The following DCLK1 variants were observed in gnomAD, a reference collection of about 807,000 sequenced individuals.
DCLK1 encodes doublecortin like kinase 1, also known as serine/threonine-protein kinase DCLK1.
DCLK1 carries 16 observed loss-of-function variants against 86.2 expected under a neutral mutation model. The ratio of observed to expected loss-of-function variants is 0.19; its 90% CI spans 0.13 to 0.28. The LOEUF (loss-of-function observed/expected upper bound fraction) is 0.28. Ranked by LOEUF, DCLK1 falls within the 10% of genes least tolerant of loss-of-function variation. The probability of loss-of-function intolerance (pLI) is 1.00; values close to 1 mark genes in which losing one functional copy is unlikely to be tolerated. For missense variants in DCLK1, 590 were observed against 940.2 expected, an observed-to-expected ratio of 0.63 and a Z score of 4.87; for synonymous variants, 369 against 370.5, an observed-to-expected ratio of 1.00 and a Z score of 0.05.
At chr13:35,804,296 AT>A (rs71081286) in intron 15 of DCLK1, among the ~76,000 whole-genome samples, 2,184 of 139,546 alleles carry the variant, frequency 0.016, 70 homozygotes, top group East Asian at 0.13. Context: ...ATGCCTAGCT[AT>A]TTTTTTTTTT....
chr13:35,838,520 C>T (rs1376328907), intron 7 of DCLK1, among the ~76,000 whole-genome samples: 2 of 152,062 alleles, frequency 1.3e-5, no homozygotes, highest in Non-Finnish European at 2.9e-5. Context: ...AATGCTTGTC[C>T]AAAACAATCC....
chr13:35,995,621 G>A (rs1880434167), intron 3 of DCLK1, among the ~76,000 whole-genome samples: 1 of 152,146 alleles, frequency 6.6e-6, no homozygotes, highest in Non-Finnish European at 1.5e-5. Flanking sequence ...CATTCTGAAT[G>A]GAAATTTCAC....
chr13:36,074,753 C>T (rs189207807), intron 3 of DCLK1, among the ~76,000 whole-genome samples: 2 of 152,262 alleles, frequency 1.3e-5, no homozygotes, highest in African/African-American at 4.8e-5. Flanking sequence ...ATGGAGGCCC[C>T]CCATAAGCGG....
intron 3 of DCLK1, among the ~76,000 whole-genome samples, chr13:36,096,850 T>C (rs1885037753): frequency 6.6e-6 from 1 of 152,130 alleles, no homozygotes; most frequent in African/African-American, 2.4e-5. Flanking sequence ...TAGAAGACAG[T>C]AATTATTCCA....
At chr13:36,114,762 T>TA (rs1885723875) in intron 2 of DCLK1, among the ~76,000 whole-genome samples, 1 of 152,210 alleles carries the variant, frequency 6.6e-6, no homozygotes, top group Non-Finnish European at 1.5e-5. Flanking sequence ...TCTGATTTTG[T>TA]AAAAAATAGC....
At chr13:35,940,471 G>C (rs1250223896) in intron 4 of DCLK1, among the ~76,000 whole-genome samples, 5 of 152,144 alleles carry the variant, frequency 3.3e-5, no homozygotes, top group Admixed American at 6.5e-5. Flanking sequence ...TAGTTTGTGA[G>C]GAGGTGTGGT....
chr13:35,951,618 C>T (rs1395275282), intron 3 of DCLK1, among the ~76,000 whole-genome samples: 1 of 151,718 alleles, frequency 6.6e-6, no homozygotes, highest in East Asian at 1.9e-4. Flanking sequence ...AGTCACTGGG[C>T]TAGGTCTTGA....
At chr13:35,818,777 C>G (rs925533037) in intron 11 of DCLK1, among the ~76,000 whole-genome samples, 6 of 151,698 alleles carry the variant, frequency 4.0e-5, no homozygotes, top group Non-Finnish European at 8.8e-5. Flanking sequence ...CTTGTGTAAA[C>G]TGAAGGTATT....
intron 3 of DCLK1, among the ~76,000 whole-genome samples, chr13:35,997,458 C>G (rs983630575): frequency 1.3e-5 from 2 of 152,300 alleles, no homozygotes; most frequent in South Asian, 4.1e-4. Flanking sequence ...GAATGGAACA[C>G]GCATGGCTCT....
chr13:35,851,177 C>T (rs558890962), intron 6 of DCLK1, among the ~76,000 whole-genome samples: 4 of 152,142 alleles, frequency 2.6e-5, no homozygotes, highest in Non-Finnish European at 4.4e-5. Flanking sequence ...GCCCAAATGG[C>T]GTTCAGCAAA....
chr13:36,100,878 T>C (rs1193095972), intron 3 of DCLK1, among the ~76,000 whole-genome samples: 1 of 152,222 alleles, frequency 6.6e-6, no homozygotes, highest in African/African-American at 2.4e-5. Flanking sequence ...AAGTCTGCAG[T>C]ACGTAAGACT....
chr13:35,974,454 C>T (rs67867249), intron 3 of DCLK1, among the ~76,000 whole-genome samples: 2 of 152,038 alleles, frequency 1.3e-5, no homozygotes, highest in African/African-American at 4.8e-5. Context: ...TATGTCCCCA[C>T]CCAAGTCTCA....
chr13:36,035,399 T>C (rs1416213213), intron 3 of DCLK1, among the ~76,000 whole-genome samples: 1 of 152,172 alleles, frequency 6.6e-6, no homozygotes, highest in Non-Finnish European at 1.5e-5. Flanking sequence ...AAGCACTGGA[T>C]AACTCATTTT....
Position 36,126,012 on chromosome 13 carries a change from G to A in DCLK1, c.126C>T (p.Tyr42=), listed in dbSNP as rs766927900. Residue 42 remains tyrosine, a synonymous_variant, in exon 2 of 17, where the codon TAC becomes TAT. Coordinates refer to ENST00000360631, the MANE Select transcript of DCLK1 (RefSeq NM_001330071.2). ...TGAGCGTCTGCAGCGTGCGGGTGCG[G>A]TAGAAGCTGCAGTGGGCGCTGTGCG... is the stretch of plus-strand genomic sequence containing the variant. ...SPTHSAHCSF[Y]RTRTLQTLSS... 6.2e-7 allele frequency: 1 copy of A among 1,614,096 alleles called. No individual in the cohort carries two copies. The highest frequency in any genetic ancestry group is 8.5e-7 in the Non-Finnish European group (1 of 1,180,026).
intron 4 of DCLK1, among the ~76,000 whole-genome samples, chr13:35,877,284 C>T (rs946682768): frequency 3.3e-5 from 5 of 152,262 alleles, no homozygotes; most frequent in Admixed American, 6.5e-5. Flanking sequence ...GCCACATTCC[C>T]GGTGGCAGGA....
intron 1 of DCLK1, among the ~76,000 whole-genome samples, chr13:36,128,750 C>T (rs571391473): frequency 2.1e-5 from 3 of 141,454 alleles, no homozygotes; most frequent in East Asian, 5.1e-4. Flanking sequence ...TTTTCAAAAA[C>T]AGTTATATAT....
chr13:35,903,528 G>A lies in DCLK1; in HGVS notation c.824-32188C>T, dbSNP rs558445129. 7.9e-5 allele frequency among the ~76,000 whole-genome samples: 12 copies of A among 152,004 alleles called. No individual in the cohort carries two copies. The South Asian group carries it at 2.3e-3, about 29-fold the overall frequency. On this transcript the variant is annotated intron_variant, in intron 4 of 16. Coordinates refer to ENST00000360631, the MANE Select transcript of DCLK1 (RefSeq NM_001330071.2). ...AATTATAAAGTTATAACATTATACA[G>A]ATTCTATTTGGTCCCATATGGCTAA... is the stretch of plus-strand genomic sequence containing the variant.
rs147800663 is a variant in DCLK1 at position 35,961,526 on chromosome 13, T to C, written c.724-14069A>G. On this transcript the variant is annotated intron_variant, in intron 3 of 16. Coordinates refer to ENST00000360631, the MANE Select transcript of DCLK1 (RefSeq NM_001330071.2). The stretch of plus-strand genomic sequence containing the variant: ...AAATTGTATTTTCTTTCCTTCTGTA[T>C]ATTATCCATTTTTCTTTTACATGTG... Among the ~76,000 whole-genome samples the C allele has an allele frequency of 6.2e-3, 941 of 152,356 alleles. 8 individuals carry two copies. Among genetic ancestry groups the C allele is most frequent in the African/African-American group, 0.022 (913 of 41,592 alleles).
chr13:36,126,268 C>A, intron 1 of DCLK1, 112 bp from the exon 2 acceptor site: 1 of 929,248 alleles, frequency 1.1e-6, no homozygotes, highest in Non-Finnish European at 1.4e-6. Flanking sequence ...TGCTCTGTCA[C>A]CGGGCTGCAG....
Sources: allele counts gnomAD v4.1 joint callset (sites outside exome capture counted in the v4.1 genomes callset), GRCh38; gene constraint gnomAD v4.1.1; transcripts MANE v1.5; gene names NCBI Gene and HGNC (gene_info 2026-07-23, HGNC 2026-07-21).